Variants in CHL1 observed in about 807,000 individuals in gnomAD.
CHL1 encodes neural cell adhesion molecule L1-like protein.
In CHL1, 96 loss-of-function variants were observed where a neutral mutation model predicts 141.9. The ratio of observed to expected loss-of-function variants is 0.68; its 90% CI spans 0.57 to 0.80. The LOEUF is 0.80. Ranked by LOEUF, CHL1 falls within the 30% of genes least tolerant of loss-of-function variation. The probability of loss-of-function intolerance (pLI) is 0.00; values close to 1 mark genes in which losing one functional copy is unlikely to be tolerated. For missense variants in CHL1, 1,820 were observed against 1,457.2 expected (o/e 1.25, Z -4.05); for synonymous variants, 613 against 502.2 (o/e 1.22, Z -2.95).
intron 2 of CHL1, among the ~76,000 whole-genome samples, chr3:245,316 T>C (rs1318506338): frequency 6.6e-6 from 1 of 152,196 alleles, no homozygotes; most frequent in Non-Finnish European, 1.5e-5. Context: ...GATGTAGTTC[T>C]AGGTAAGCTG....
At chr3:339,663 T>C (rs1339021904) in intron 5 of CHL1, among the ~76,000 whole-genome samples, 1 of 152,218 alleles carries the variant, frequency 6.6e-6, no homozygotes, top group Non-Finnish European at 1.5e-5. Context: ...TGTAACCAGC[T>C]GGTGCATCGA....
chr3:249,975 T>C (rs887100099), intron 2 of CHL1, among the ~76,000 whole-genome samples: 1 of 145,134 alleles, frequency 6.9e-6, no homozygotes, highest in Non-Finnish European at 1.5e-5. Flanking sequence ...AAAAGCATAC[T>C]TTTTTTTTTT....
intron 19 of CHL1, 44 bp from the exon 20 acceptor site, chr3:389,208 A>G: frequency 1.3e-6 from 2 of 1,494,202 alleles, no homozygotes. Flanking sequence ...CTCTGAGTCA[A>G]CACATCTGTG....
intron 2 of CHL1, among the ~76,000 whole-genome samples, chr3:278,561 C>T (rs1696358839): frequency 6.6e-6 from 1 of 152,224 alleles, no homozygotes; most frequent in Non-Finnish European, 1.5e-5. Context: ...CAGCACCTGT[C>T]ACCAGGCTTC....
intron 2 of CHL1, among the ~76,000 whole-genome samples, chr3:303,642 T>A (rs1698960679): frequency 6.6e-6 from 1 of 152,202 alleles, no homozygotes; most frequent in Non-Finnish European, 1.5e-5. Flanking sequence ...GCTGAGAAGA[T>A]GGGGTTTTCT....
chr3:332,800 A>C (rs1469759288), intron 5 of CHL1, among the ~76,000 whole-genome samples: 1 of 152,178 alleles, frequency 6.6e-6, no homozygotes, highest in Non-Finnish European at 1.5e-5. Flanking sequence ...CTTCACTGAA[A>C]TAAGTTAAGA....
chr3:394,337 G>A (rs1200486146), intron 23 of CHL1, among the ~76,000 whole-genome samples: 6 of 151,900 alleles, frequency 3.9e-5, no homozygotes, highest in African/African-American at 1.2e-4. Flanking sequence ...ATAGCAATGG[G>A]GAAAATTCAT....
intron 1 of CHL1, among the ~76,000 whole-genome samples, chr3:241,859 C>T (rs1027092168): frequency 7.8e-6 from 1 of 128,508 alleles, no homozygotes; most frequent in Non-Finnish European, 1.8e-5. Flanking sequence ...CAACTTTTCA[C>T]TAATAACAGA....
intron 9 of CHL1, among the ~76,000 whole-genome samples, chr3:347,031 A>G (rs1288061392): frequency 6.6e-6 from 1 of 152,172 alleles, no homozygotes; most frequent in Non-Finnish European, 1.5e-5. Context: ...TTCCAGCTAT[A>G]TTCTTGCAAA....
At chr3:273,512 G>A (rs1461213244) in intron 2 of CHL1, among the ~76,000 whole-genome samples, 1 of 151,946 alleles carries the variant, frequency 6.6e-6, no homozygotes, top group Non-Finnish European at 1.5e-5. Flanking sequence ...GTTTCCTCCA[G>A]TCCCTTATTG....
intron 2 of CHL1, among the ~76,000 whole-genome samples, chr3:277,561 G>A (rs187874216): frequency 7.2e-5 from 11 of 152,004 alleles, no homozygotes; most frequent in East Asian, 5.8e-4. Context: ...AATTGCTTCC[G>A]TTTTAAACTA....
chr3:325,916 C>A, intron 3 of CHL1, 43 bp from the exon 4 acceptor site: 1 of 1,333,216 alleles, frequency 7.5e-7, no homozygotes, highest in Admixed American at 1.8e-5. Flanking sequence ...ACCTTGCCTG[C>A]TGTTTGAATA....
intron 11 of CHL1, among the ~76,000 whole-genome samples, chr3:357,255 G>T (rs899294285): frequency 6.6e-6 from 1 of 152,288 alleles, no homozygotes; most frequent in Non-Finnish European, 1.5e-5. Flanking sequence ...TATAGGCTGG[G>T]ATATTTGATG....
At chr3:294,085 G>A (rs1169122385) in intron 2 of CHL1, among the ~76,000 whole-genome samples, 4 of 152,080 alleles carry the variant, frequency 2.6e-5, no homozygotes, top group South Asian at 2.1e-4. Flanking sequence ...TTGGGAGGCC[G>A]AGGCAGGCAG....
chr3:289,110 C>T (rs1697432832), intron 2 of CHL1, among the ~76,000 whole-genome samples: 1 of 152,004 alleles, frequency 6.6e-6, no homozygotes, highest in Admixed American at 6.5e-5. Flanking sequence ...AATATCTTGG[C>T]ATCACTTACT....
intron 14 of CHL1, among the ~76,000 whole-genome samples, chr3:365,686 A>G (rs768604512): frequency 6.6e-6 from 1 of 152,222 alleles, no homozygotes; most frequent in Non-Finnish European, 1.5e-5. Context: ...GTTTGCTTAT[A>G]CTTTGCTTAC....
chr3:253,776 G>C (rs1017979090), intron 2 of CHL1, among the ~76,000 whole-genome samples: 2 of 151,966 alleles, frequency 1.3e-5, no homozygotes, highest in African/African-American at 2.4e-5. Flanking sequence ...CCACCTACTA[G>C]GTTCTCAGTA....
chr3:322,658 A>ATAAT (rs1700682617), intron 3 of CHL1, among the ~76,000 whole-genome samples: 2 of 141,332 alleles, frequency 1.4e-5, no homozygotes, highest in Admixed American at 7.2e-5. Context: ...ATATATATAT[A>ATAAT]TATATATATA....
intron 2 of CHL1, among the ~76,000 whole-genome samples, chr3:299,742 C>G (rs754649698): frequency 1.3e-5 from 2 of 152,160 alleles, no homozygotes; most frequent in Non-Finnish European, 2.9e-5. Context: ...GCACATTGTT[C>G]TCACCTGACA....
Sources: gnomAD v4.1 joint callset for allele counts (sites outside exome capture counted in the v4.1 genomes callset) on GRCh38, gnomAD v4.1.1 for gene constraint, MANE v1.5 for transcripts, NCBI Gene and HGNC (gene_info 2026-07-23, HGNC 2026-07-21) for gene names.